The following PSMA1 variants were observed in gnomAD, a reference collection of about 807,000 sequenced individuals.
PSMA1 encodes proteasome 20S subunit alpha 1, also known as proteasome subunit alpha type-1.
A neutral mutation model predicts 38.4 loss-of-function variants in PSMA1; 3 were observed. The ratio of observed to expected loss-of-function variants is 0.08; its 90% CI spans 0.04 to 0.20. The LOEUF (loss-of-function observed/expected upper bound fraction) is 0.20, where lower values mean the gene tolerates loss of function less well. PSMA1 is among the 10% of genes least tolerant of loss of function. The pLI, the probability that PSMA1 is intolerant of heterozygous loss-of-function variation, is 1.00. For missense variants in PSMA1, 227 were observed against 325.3 expected (o/e 0.70, Z 2.32); for synonymous variants, 101 against 107.1 (o/e 0.94, Z 0.35).
rs1319051661 is a variant in PSMA1 at position 14,507,744 on chromosome 11, C to T, written c.647G>A (p.Gly216Asp). Reference sequence around the variant, plus strand: ...ATAGATTGTAAACTCCAAGTCTTTACCAACAATTCCAATGGAAACATTCTG... The same window carrying T: ...ATAGATTGTAAACTCCAAGTCTTTATCAACAATTCCAATGGAAACATTCTG... Reference protein sequence around the residue: ...TTKNVSIGIVGKDLEFTIYDD... With the variant: ...TTKNVSIGIVDKDLEFTIYDD... The change falls in exon 9 of 10, where the codon GGT (glycine) becomes GAT (aspartate). Residue 216 changes from glycine to aspartate, a missense_variant. Transcript: ENST00000396394. 6.2e-7 allele frequency: 1 copy of T among 1,607,008 alleles called. No individual in the cohort carries two copies. The highest frequency in any genetic ancestry group is 1.7e-5 in the Admixed American group (1 of 59,536).
At chr11:14,638,926 G>A (rs1466184302) in intron 1 of PSMA1, among the ~76,000 whole-genome samples, 1 of 151,782 alleles carries the variant, frequency 6.6e-6, no homozygotes, top group Non-Finnish European at 1.5e-5. Context: ...AGTCTGCATT[G>A]CTGTTTATTG....
At chr11:14,641,735 C>T (rs1853204571) in intron 1 of PSMA1, among the ~76,000 whole-genome samples, 1 of 152,116 alleles carries the variant, frequency 6.6e-6, no homozygotes, top group Non-Finnish European at 1.5e-5. Flanking sequence ...TTTTACTTGT[C>T]AACACTGAGA....
rs80184344 is a variant in PSMA1 at position 14,568,868 on chromosome 11, T to C, written c.21+42098A>G. 2.8e-3 allele frequency among the ~76,000 whole-genome samples: 429 copies of C among 152,314 alleles called. 2 individuals carry two copies. The highest frequency in any genetic ancestry group is 9.9e-3 in the African/African-American group (412 of 41,570). ...CGGGGACATCTTTCTTGTTCATCTC[T>C]GAATCTCACCTGTGTGCCACAACTG... On this transcript the variant is annotated intron_variant, in intron 2 of 10. Transcript: ENST00000418988.
chr11:14,586,587 A>G (rs1403863990), intron 2 of PSMA1, among the ~76,000 whole-genome samples: 1 of 152,188 alleles, frequency 6.6e-6, no homozygotes, highest in Non-Finnish European at 1.5e-5. Flanking sequence ...AAAAGAATGA[A>G]TAGTATTCTT....
intron 2 of PSMA1, among the ~76,000 whole-genome samples, chr11:14,599,573 T>C (rs1253186517): frequency 2.6e-5 from 4 of 152,236 alleles, no homozygotes; most frequent in Non-Finnish European, 2.9e-5. Flanking sequence ...TCTCGTACCA[T>C]GGTTTTCAGC....
intron 1 of PSMA1, among the ~76,000 whole-genome samples, chr11:14,616,231 G>GTTTTTTTT (rs34292683): frequency 3.9e-5 from 5 of 126,686 alleles, no homozygotes; most frequent in Non-Finnish European, 8.3e-5. Context: ...GATCCCAACA[G>GTTTTTTTT]TTTTTTTTTT....
upstream of PSMA1, among the ~76,000 whole-genome samples, chr11:14,524,251 A>C (rs748445498): frequency 1.6e-4 from 25 of 152,032 alleles, no homozygotes; most frequent in Non-Finnish European, 2.9e-4. Context: ...ACAGGATCAC[A>C]TGAGCCCAGT....
intron 2 of PSMA1, among the ~76,000 whole-genome samples, chr11:14,608,609 TATG>T (rs1339183940): frequency 6.8e-6 from 1 of 147,826 alleles, no homozygotes; most frequent in African/African-American, 2.5e-5. Context: ...ATATATAAAA[TATG>T]ATTATATATG....
chr11:14,556,355 T>C (rs1021759044), intron 2 of PSMA1, among the ~76,000 whole-genome samples: 3 of 152,228 alleles, frequency 2.0e-5, no homozygotes, highest in Non-Finnish European at 4.4e-5. Context: ...CTTCTAACTT[T>C]CCATGTTGCT....
upstream of PSMA1, among the ~76,000 whole-genome samples, chr11:14,525,186 T>A (rs1407439974): frequency 2.6e-5 from 4 of 152,110 alleles, no homozygotes; most frequent in Admixed American, 6.6e-5. Context: ...TGCACTCTTT[T>A]TAGTTATCCC....
chr11:14,611,856 T>C (rs1852712556), intron 1 of PSMA1, among the ~76,000 whole-genome samples: 1 of 152,192 alleles, frequency 6.6e-6, no homozygotes. Flanking sequence ...TCTTGTAACA[T>C]TGATACCTTA....
intron 2 of PSMA1, among the ~76,000 whole-genome samples, chr11:14,531,237 A>G (rs986778493): frequency 1.3e-5 from 2 of 152,122 alleles, no homozygotes; most frequent in African/African-American, 4.8e-5. Context: ...AAATGATTTC[A>G]TCATGCACAT....
intron 1 of PSMA1, among the ~76,000 whole-genome samples, chr11:14,617,810 A>G (rs1377204965): frequency 6.6e-6 from 1 of 152,036 alleles, no homozygotes; most frequent in African/African-American, 2.4e-5. Flanking sequence ...AACTGGAATC[A>G]GGAGAGGTGT....
chr11:14,593,927 C>G (rs1318364632), intron 2 of PSMA1, among the ~76,000 whole-genome samples: 1 of 152,202 alleles, frequency 6.6e-6, no homozygotes, highest in Non-Finnish European at 1.5e-5. Flanking sequence ...CCAATTGCTC[C>G]CCTCACCAGT....
At position 14,534,867 on chromosome 11, in the gene PSMA1, G is replaced by A. The variant is rs1851685613; in HGVS notation, c.22-15826C>T. On this transcript the variant is annotated intron_variant, in intron 2 of 10. Coordinates refer to the PSMA1 transcript ENST00000418988. This position sits in a 1 kb window ranked among gnomAD's most constrained non-coding sequence, Gnocchi z 4.5. ...GAGGCAGGCAGATCTCCTGAGATCAGGAATTCAAGACCAGCCTGGCCAACA... is the reference window on the plus strand; with the variant it reads ...GAGGCAGGCAGATCTCCTGAGATCAAGAATTCAAGACCAGCCTGGCCAACA... Among the ~76,000 whole-genome samples, 1 of 152,210 alleles carries A rather than the reference G, an allele frequency of 6.6e-6. No homozygotes were observed.
chr11:14,591,324 C>T (rs1179207906), intron 2 of PSMA1, among the ~76,000 whole-genome samples: 12 of 152,226 alleles, frequency 7.9e-5, no homozygotes, highest in Admixed American at 7.8e-4. Flanking sequence ...GGACCTGCAG[C>T]CCGCCATGCC....
chr11:14,509,101 G>A (rs7118372), intron 8 of PSMA1, among the ~76,000 whole-genome samples: 2,011 of 152,136 alleles, frequency 0.013, 40 homozygotes, highest in African/African-American at 0.046. Flanking sequence ...GGAACTCCAC[G>A]TGTTGCTTAT....
At chr11:14,631,762 G>T in intron 1 of PSMA1, among the ~76,000 whole-genome samples, 1 of 152,090 alleles carries the variant, frequency 6.6e-6, no homozygotes, top group South Asian at 2.1e-4. Flanking sequence ...TGTTGACATT[G>T]GGGTGTTAAA....
intron 2 of PSMA1, among the ~76,000 whole-genome samples, chr11:14,528,049 TG>T (rs1462950449): frequency 6.6e-6 from 1 of 152,002 alleles, no homozygotes; most frequent in Non-Finnish European, 1.5e-5. Context: ...AAACAATTGC[TG>T]GCTTTGCATT....
Sources: allele counts gnomAD v4.1 joint callset (sites outside exome capture counted in the v4.1 genomes callset), GRCh38; gene constraint gnomAD v4.1.1; non-coding constraint Gnocchi (gnomAD v3.1); transcripts MANE v1.5; gene names NCBI Gene and HGNC (gene_info 2026-07-23, HGNC 2026-07-21).